The following PTPRN2 variants were observed in gnomAD, a reference collection of about 807,000 sequenced individuals.
PTPRN2 encodes protein tyrosine phosphatase receptor type N2.
A neutral mutation model predicts 118.8 loss-of-function variants in PTPRN2; 74 were observed. The ratio of observed to expected loss-of-function variants is 0.62; its 90% CI spans 0.52 to 0.76. The LOEUF (loss-of-function observed/expected upper bound fraction) is 0.76, where lower values mean the gene tolerates loss of function less well. PTPRN2 is among the 30% of genes least tolerant of loss of function. PTPRN2 has a pLI of 0.00. For synonymous variants in PTPRN2, 641 were observed against 608.0 expected (o/e 1.05, Z -0.80); for missense variants, 1,481 against 1,394.4 (o/e 1.06, Z -0.99).
intron 15 of PTPRN2, among the ~76,000 whole-genome samples, chr7:157,605,597 CAAGATG>C (rs1373630696): frequency 1.3e-5 from 2 of 152,168 alleles, no homozygotes; most frequent in African/African-American, 4.8e-5. Flanking sequence ...GGAGGATGAG[CAAGATG>C]AAGAGGGGTT....
At chr7:157,558,178 C>T (rs1397371140) in intron 21 of PTPRN2, among the ~76,000 whole-genome samples, 3 of 152,012 alleles carry the variant, frequency 2.0e-5, no homozygotes, top group South Asian at 2.1e-4. Context: ...TGGTGCGACG[C>T]GGTGCCCACC....
At chr7:158,327,202 C>T (rs1231167150) in intron 2 of PTPRN2, among the ~76,000 whole-genome samples, 3 of 150,572 alleles carry the variant, frequency 2.0e-5, no homozygotes, top group African/African-American at 7.5e-5. Context: ...CACACATGCA[C>T]ACATTCTCAA....
At chr7:158,486,947 G>T (rs1821073674) in intron 2 of PTPRN2, among the ~76,000 whole-genome samples, 1 of 152,084 alleles carries the variant, frequency 6.6e-6, no homozygotes, top group Non-Finnish European at 1.5e-5. Context: ...CTGTCCCCCA[G>T]CCCCTGGCCC....
chr7:158,040,108 C>T (rs1482004380), intron 11 of PTPRN2, among the ~76,000 whole-genome samples: 1 of 151,756 alleles, frequency 6.6e-6, no homozygotes, highest in African/African-American at 2.4e-5. Context: ...AACAGAATAT[C>T]CAAGGACTGT....
chr7:158,488,022 G>GA (rs1207412833), intron 2 of PTPRN2, among the ~76,000 whole-genome samples: 2 of 152,170 alleles, frequency 1.3e-5, no homozygotes, highest in African/African-American at 4.8e-5. Context: ...AGGTTGAGGA[G>GA]AAAAATGTCT....
chr7:157,934,848 T>C (rs996161473), intron 11 of PTPRN2, among the ~76,000 whole-genome samples: 3 of 152,234 alleles, frequency 2.0e-5, no homozygotes, highest in African/African-American at 7.2e-5. Flanking sequence ...AGGTCTAACA[T>C]GGCAGATTCT....
intron 2 of PTPRN2, among the ~76,000 whole-genome samples, chr7:158,469,499 G>A (rs1819684972): frequency 6.6e-6 from 1 of 152,212 alleles, no homozygotes; most frequent in Non-Finnish European, 1.5e-5. Context: ...AAAAAAATGT[G>A]TAAAGTGTGG....
chr7:157,966,275 C>T (rs1359469181), intron 11 of PTPRN2, among the ~76,000 whole-genome samples: 3 of 152,054 alleles, frequency 2.0e-5, no homozygotes, highest in Non-Finnish European at 4.4e-5. Context: ...CCTGAGACTC[C>T]TCTTTCTCCT....
intron 14 of PTPRN2, among the ~76,000 whole-genome samples, chr7:157,636,868 G>T (rs762193778): frequency 1.2e-4 from 18 of 152,154 alleles, no homozygotes; most frequent in Non-Finnish European, 2.2e-4. Flanking sequence ...GATAATCAAA[G>T]TTTAACTATA....
At chr7:158,282,117 G>A (rs1799465896) in intron 3 of PTPRN2, among the ~76,000 whole-genome samples, 1 of 151,738 alleles carries the variant, frequency 6.6e-6, no homozygotes, top group Non-Finnish European at 1.5e-5. Flanking sequence ...AAGTCAAACT[G>A]AGCCTGTGTT....
At chr7:158,007,065 T>TCTC (rs1468464994) in intron 11 of PTPRN2, among the ~76,000 whole-genome samples, 1 of 152,158 alleles carries the variant, frequency 6.6e-6, no homozygotes, top group Non-Finnish European at 1.5e-5. Context: ...CGGGCGGCCG[T>TCTC]CTCCTCCTGT....
In PTPRN2 at chr7:158,278,059, G is replaced by A. The variant is rs960884567; in HGVS notation, c.277+38760C>T. 5.9e-5 allele frequency among the ~76,000 whole-genome samples: 9 copies of A among 152,306 alleles called. No individual in the cohort carries two copies. The South Asian group carries it at 6.2e-4, about 11-fold the overall frequency. The stretch of plus-strand genomic sequence containing the variant: ...CAGAGAATCATCAGATCCAAGGCCC[G>A]GGGTGGCCGGGGACCAAGTATGGCT... On this transcript the variant is annotated intron_variant, in intron 3 of 22. Transcript: ENST00000389418.
In PTPRN2 at chr7:157,779,158, T is replaced by C. The variant is rs1349543884; in HGVS notation, c.1789-96221A>G. Among the ~76,000 whole-genome samples, 6 of 152,010 alleles carry C rather than the reference T, an allele frequency of 3.9e-5. No homozygotes were observed. The highest frequency in any genetic ancestry group is 6.5e-5 in the Admixed American group (1 of 15,282). On this transcript the variant is annotated intron_variant, in intron 12 of 22. Coordinates refer to ENST00000389418, the MANE Select transcript of PTPRN2 (RefSeq NM_002847.5). The surrounding 1 kb of genome is among the most constrained non-coding windows in gnomAD (Gnocchi z 4.7). ...GGTCACCAGGTGCAGGCCTTACATA[T>C]AGAGGTAGTAGCGCTACATTGAGGA...
At chr7:157,688,588 C>G (rs1797308600) in intron 12 of PTPRN2, among the ~76,000 whole-genome samples, 1 of 152,354 alleles carries the variant, frequency 6.6e-6, no homozygotes, top group South Asian at 2.1e-4. Context: ...CCTGCCTGGA[C>G]GCACGCGCGC....
Position 158,122,098 on chromosome 7 carries a change from C to T in PTPRN2, c.1557-11183G>A, listed in dbSNP as rs547768346. 7.9e-5 allele frequency among the ~76,000 whole-genome samples: 12 copies of T among 152,326 alleles called. No individual in the cohort carries two copies. The South Asian group carries it at 2.5e-3, about 32-fold the overall frequency. On this transcript the variant is annotated intron_variant, in intron 9 of 22. Transcript: ENST00000389418. ...GTCTGCATGTGGCGGCTTCCACCCTCAATACCTGGACACTAATATTGCCGT... is the reference window on the plus strand; with the variant it reads ...GTCTGCATGTGGCGGCTTCCACCCTTAATACCTGGACACTAATATTGCCGT...
intron 11 of PTPRN2, among the ~76,000 whole-genome samples, chr7:157,902,471 G>A (rs1252428834): frequency 4.3e-5 from 6 of 140,340 alleles, no homozygotes; most frequent in African/African-American, 1.1e-4. Flanking sequence ...TGGAGAGTAC[G>A]TGGAAATCAA....
intron 5 of PTPRN2, among the ~76,000 whole-genome samples, chr7:158,189,841 G>A (rs1230589008): frequency 1.3e-5 from 2 of 152,194 alleles, no homozygotes; most frequent in African/African-American, 4.8e-5. Context: ...AGACACAGCG[G>A]GGCAGAGGAG....
chr7:157,992,668 G>A (rs528709567), intron 11 of PTPRN2, among the ~76,000 whole-genome samples: 4 of 152,354 alleles, frequency 2.6e-5, no homozygotes, highest in African/African-American at 9.6e-5. Flanking sequence ...GGGTTGGGGT[G>A]GCCCAACAGA....
At position 158,525,610 on chromosome 7, in the gene PTPRN2, G is replaced by A. The variant is rs979847557; in HGVS notation, c.113-35825C>T. Among the ~76,000 whole-genome samples the A allele has an allele frequency of 9.9e-5, 15 of 152,208 alleles. No individual in the cohort carries two copies. Among genetic ancestry groups the A allele is most frequent in the African/African-American group, 3.6e-4 (15 of 41,472 alleles). ...TCCTACGGGATGGAGTATTAATAGT[G>A]CCGTGTTTAATTATTATTCAGCATA... On this transcript the variant is annotated intron_variant, in intron 1 of 22. Transcript: ENST00000389418. This position sits in a 1 kb window ranked among gnomAD's most constrained non-coding sequence, Gnocchi z 4.1.
Sources: gnomAD v4.1 joint callset for allele counts (sites outside exome capture counted in the v4.1 genomes callset) on GRCh38, gnomAD v4.1.1 for gene constraint, Gnocchi (gnomAD v3.1) non-coding constraint, MANE v1.5 for transcripts, NCBI Gene and HGNC (gene_info 2026-07-23, HGNC 2026-07-21) for gene names.